AGBL4: variants seen among roughly 807,000 people sequenced by gnomAD.
AGBL4 encodes the protein AGBL carboxypeptidase 4, also known as cytosolic carboxypeptidase 6.
In AGBL4, 58 loss-of-function variants were observed where a neutral mutation model predicts 66.4. The ratio of observed to expected loss-of-function variants is 0.87; its 90% confidence interval spans 0.71 to 1.09. AGBL4 has a LOEUF of 1.09. Ranked by LOEUF, AGBL4 falls within the 50% of genes least tolerant of loss-of-function variation. The probability of loss-of-function intolerance (pLI) is 0.00; values close to 1 mark genes in which losing one functional copy is unlikely to be tolerated. For missense variants in AGBL4, 579 were observed against 631.0 expected, an observed-to-expected ratio of 0.92 and a Z score of 0.88; for synonymous variants, 234 against 222.9, an observed-to-expected ratio of 1.05 and a Z score of -0.44.
intron 3 of AGBL4, among the ~76,000 whole-genome samples, chr1:49,281,852 C>A (rs958301924): frequency 1.3e-5 from 2 of 152,212 alleles, no homozygotes; most frequent in African/African-American, 4.8e-5. Flanking sequence ...CTATATCTTG[C>A]CCCATATATT....
intron 1 of AGBL4, among the ~76,000 whole-genome samples, chr1:49,858,450 G>GT (rs1646486996): frequency 6.6e-6 from 1 of 151,914 alleles, no homozygotes; most frequent in South Asian, 2.1e-4. Flanking sequence ...TACCATATTG[G>GT]TTAAAATAGG....
chr1:49,666,218 AG>A (rs1646364562), intron 3 of AGBL4, among the ~76,000 whole-genome samples: 1 of 152,012 alleles, frequency 6.6e-6, no homozygotes, highest in Non-Finnish European at 1.5e-5. Flanking sequence ...GGCTCATAGG[AG>A]GCATTCAACA....
chr1:48,846,044 C>G (rs565913023), intron 6 of AGBL4, among the ~76,000 whole-genome samples: 13 of 152,100 alleles, frequency 8.5e-5, no homozygotes, highest in African/African-American at 2.7e-4. Flanking sequence ...CTGACTTGTC[C>G]CACTTCCTTG....
rs535456031 is a variant in AGBL4, at chr1:49,638,496, C to T, written c.282+58817G>A. On this transcript the variant is annotated intron_variant, in intron 3 of 13. Transcript: ENST00000371839. ...CATTCAAGAAGTACGGATATAGTTT[C>T]GCTGTGTCCTCACCCAAATCTCTTC... Among the ~76,000 whole-genome samples, 179 of 152,254 alleles carry T rather than the reference C, an allele frequency of 1.2e-3. 1 individual carries two copies. The highest frequency in any genetic ancestry group is 4.0e-3 in the African/African-American group (168 of 41,548).
chr1:49,711,860 G>A (rs977862250), intron 2 of AGBL4, among the ~76,000 whole-genome samples: 6 of 151,834 alleles, frequency 4.0e-5, no homozygotes, highest in African/African-American at 9.7e-5. Flanking sequence ...TAAGTATTAC[G>A]CACAGTATAA....
intron 2 of AGBL4, among the ~76,000 whole-genome samples, chr1:49,753,674 G>T: frequency 6.6e-6 from 1 of 152,142 alleles, no homozygotes; most frequent in East Asian, 1.9e-4. Context: ...TCCCAACTTG[G>T]TTCCATTCTG....
chr1:49,600,991 G>A (rs761154035), intron 3 of AGBL4, among the ~76,000 whole-genome samples: 1 of 152,156 alleles, frequency 6.6e-6, no homozygotes, highest in Admixed American at 6.5e-5. Flanking sequence ...TTTCTGCAGA[G>A]AGATCCACTG....
At chr1:48,554,015 G>A (rs1262995062) in intron 11 of AGBL4, among the ~76,000 whole-genome samples, 2 of 152,072 alleles carry the variant, frequency 1.3e-5, no homozygotes, top group Non-Finnish European at 2.9e-5. Context: ...GTGCAGCAAA[G>A]AAGATCCCTA....
At chr1:48,898,101 C>A (rs1651714854) in intron 5 of AGBL4, among the ~76,000 whole-genome samples, 1 of 151,860 alleles carries the variant, frequency 6.6e-6, no homozygotes, top group Non-Finnish European at 1.5e-5. Context: ...GTGAGCCACC[C>A]CACCCAGACT....
chr1:49,455,981 A>C (rs1288734022), intron 3 of AGBL4, among the ~76,000 whole-genome samples: 1 of 151,734 alleles, frequency 6.6e-6, no homozygotes, highest in East Asian at 1.9e-4. Flanking sequence ...ATAGATAATG[A>C]GGGCAAGAAC....
intron 3 of AGBL4, among the ~76,000 whole-genome samples, chr1:49,602,713 A>G (rs1186120722): frequency 6.6e-6 from 1 of 151,866 alleles, no homozygotes; most frequent in Non-Finnish European, 1.5e-5. Context: ...GGGCTAGGGG[A>G]GGGAGAGCAT....
intron 3 of AGBL4, among the ~76,000 whole-genome samples, chr1:49,299,910 TCATTA>T (rs907850581): frequency 6.6e-6 from 1 of 152,174 alleles, no homozygotes; most frequent in Non-Finnish European, 1.5e-5. Context: ...TGTGGTACTC[TCATTA>T]ATTTTTTAAT....
intron 3 of AGBL4, among the ~76,000 whole-genome samples, chr1:49,343,725 T>C (rs946225741): frequency 6.6e-6 from 1 of 152,214 alleles, no homozygotes; most frequent in Non-Finnish European, 1.5e-5. Context: ...CCAAATCTAC[T>C]TCTGTCTGTC....
chr1:49,982,259 G>A (rs1659115844), intron 1 of AGBL4, among the ~76,000 whole-genome samples: 1 of 152,244 alleles, frequency 6.6e-6, no homozygotes, highest in Non-Finnish European at 1.5e-5. Context: ...TGTGCCCAGG[G>A]CTGCGCTCCA....
intron 3 of AGBL4, among the ~76,000 whole-genome samples, chr1:49,579,428 G>T (rs1644499140): frequency 6.6e-6 from 1 of 152,086 alleles, no homozygotes. Flanking sequence ...TGTGTTTTGT[G>T]GCCTAACATA....
chr1:49,320,187 T>C (rs1002164081), intron 3 of AGBL4, among the ~76,000 whole-genome samples: 2 of 152,046 alleles, frequency 1.3e-5, no homozygotes, highest in Non-Finnish European at 2.9e-5. Flanking sequence ...CACCTCGGCC[T>C]CCCAAAGTGT....
intron 3 of AGBL4, among the ~76,000 whole-genome samples, chr1:49,679,966 G>C (rs1646656376): frequency 6.7e-6 from 1 of 150,354 alleles, no homozygotes; most frequent in African/African-American, 2.4e-5. Flanking sequence ...ACATAATTAA[G>C]AACAGAGTAG....
chr1:49,192,727 C>A (rs1334310320), intron 4 of AGBL4, among the ~76,000 whole-genome samples: 2 of 152,202 alleles, frequency 1.3e-5, no homozygotes, highest in Non-Finnish European at 2.9e-5. Flanking sequence ...CTTACACAGA[C>A]AGAACCAAAG....
intron 3 of AGBL4, among the ~76,000 whole-genome samples, chr1:49,611,185 C>T (rs1413137596): frequency 6.6e-6 from 1 of 152,132 alleles, no homozygotes; most frequent in Non-Finnish European, 1.5e-5. Context: ...TTATCTCCTC[C>T]TAGTGCCTCT....
Sources: gnomAD v4.1 joint callset for allele counts (sites outside exome capture counted in the v4.1 genomes callset) on GRCh38, gnomAD v4.1.1 for gene constraint, MANE v1.5 for transcripts, NCBI Gene and HGNC (gene_info 2026-07-23, HGNC 2026-07-21) for gene names.